Variants in PCDHA4 observed in about 807,000 individuals in gnomAD.
The protein encoded by PCDHA4 is protocadherin alpha 4.
A neutral mutation model predicts 61.4 loss-of-function variants in PCDHA4; 49 were observed. That is an observed-to-expected ratio of 0.80 (90% CI 0.63 to 1.01). PCDHA4 has a LOEUF of 1.01. Among genes scored for constraint, PCDHA4 ranks in the 50% least tolerant of loss-of-function variants. The pLI, the probability that PCDHA4 is intolerant of heterozygous loss-of-function variation, is 0.00. For missense variants in PCDHA4, 1,254 were observed against 1,235.8 expected, an observed-to-expected ratio of 1.01 and a Z score of -0.22; for synonymous variants, 590 against 550.3, an observed-to-expected ratio of 1.07 and a Z score of -1.01.
chr5:140,808,729 C>A lies in PCDHA4; in HGVS notation c.1542C>A (p.Ser514Arg). The A allele has an allele frequency of 6.2e-7, 1 of 1,612,058 alleles. No individual in the cohort carries two copies. The highest frequency in any genetic ancestry group is 8.5e-7 in the Non-Finnish European group (1 of 1,179,790). Residue 514 changes from serine (S) to arginine (R), a missense_variant, in exon 1 of 4, where the codon AGC becomes AGA. Transcript: ENST00000530339. ...GCTACGTTTCGGTGCATGCGGAGAGCGGCAAGGTGTACGCGCTGCAGCCGC... is the reference window on the plus strand; with the variant it reads ...GCTACGTTTCGGTGCATGCGGAGAGAGGCAAGGTGTACGCGCTGCAGCCGC... ...LSSYVSVHAE[S>R]GKVYALQPLD...
At chr5:140,986,862 G>A (rs1441287999) in intron 3 of PCDHA4, among the ~76,000 whole-genome samples, 2 of 152,068 alleles carry the variant, frequency 1.3e-5, no homozygotes, top group East Asian at 1.9e-4. Flanking sequence ...AACAATACCC[G>A]GAAACTTGTT....
chr5:140,870,695 A>C, intron 1 of PCDHA4: 1 of 1,613,024 alleles, frequency 6.2e-7, no homozygotes, highest in East Asian at 2.2e-5. Context: ...GAGCTGCTAC[A>C]GTTCCAGGTG....
rs1554202548 is a variant in PCDHA4 at position 140,925,108 on chromosome 5, G to GGAAGGAAGGAAGGAAGGAAGGAAGGAA, written c.2386-53840_2386-53839insAAGGAAGGAAGGAAGGAAGGAAGGAAG. On this transcript the variant is annotated intron_variant, in intron 1 of 3. Transcript: ENST00000530339. ...AAGGAAGGAAGGAAGGAAGGAAGGA[G>GGAAGGAAGGAAGGAAGGAAGGAAGGAA]GGAAGGAAGGAAGGAAAAAAAATTT... Among the ~76,000 whole-genome samples, 52 of 124,778 alleles carry GGAAGGAAGGAAGGAAGGAAGGAAGGAA rather than the reference G, an allele frequency of 4.2e-4. No individual in the cohort carries two copies. The Middle Eastern group carries it at 0.013, about 31-fold the overall frequency. The allele number at this position is 124,778 out of a possible 152,430, so 81.9% of individuals were successfully genotyped here. A position where few individuals can be genotyped will look rare whatever the true frequency, so the allele number is the denominator to read the frequency against.
chr5:140,845,039 C>T (rs1485557365), intron 1 of PCDHA4, among the ~76,000 whole-genome samples: 2 of 149,068 alleles, frequency 1.3e-5, no homozygotes, highest in Non-Finnish European at 3.0e-5. Context: ...ATTTTAGCCC[C>T]CTTGTCCAAC....
chr5:140,921,212 C>T lies in PCDHA4; in HGVS notation c.2386-57737C>T, dbSNP rs78827164. On this transcript the variant is annotated intron_variant, in intron 1 of 3. Coordinates refer to ENST00000530339, the MANE Select transcript of PCDHA4 (RefSeq NM_018907.4). ...ACAATAGATTGACAACGATAATTCA[C>T]GTCTTTTTTGCTAGATGATATTAAG... is the stretch of plus-strand genomic sequence containing the variant. Among the ~76,000 whole-genome samples the T allele has an allele frequency of 3.7e-3, 555 of 152,020 alleles. 3 individuals carry two copies. Among genetic ancestry groups the T allele is most frequent in the Non-Finnish European group, 5.8e-3 (395 of 67,980 alleles).
chr5:140,928,351 G>A lies in PCDHA4; in HGVS notation c.2386-50598G>A, dbSNP rs201396871. ...CCTTGTCTCTTATGAGCTGTTGGAT[G>A]TTATCTCTGAAGGGCCATCAGCCTC... On this transcript the variant is annotated intron_variant, in intron 1 of 3. Coordinates refer to ENST00000530339, the MANE Select transcript of PCDHA4 (RefSeq NM_018907.4). The A allele has an allele frequency of 1.2e-5, 20 of 1,614,150 alleles. No individual in the cohort carries two copies. In the East Asian group the frequency reaches 4.5e-4, roughly 36 times the overall value.
At chr5:140,858,234 C>A (rs782153266) in intron 1 of PCDHA4, 1 of 1,596,332 alleles carries the variant, frequency 6.3e-7, no homozygotes, top group South Asian at 1.1e-5. Context: ...ACCGAGGGCG[C>A]ATGTGGGCCG....
chr5:140,812,406 A>G (rs2150029972), intron 1 of PCDHA4: 1 of 151,748 alleles, frequency 6.6e-6, no homozygotes, highest in Admixed American at 6.6e-5. Context: ...GGGGCTTGTC[A>G]GTTTTGTTGT....
intron 1 of PCDHA4, chr5:140,856,802 GA>G (rs782128453): frequency 1.3e-6 from 2 of 1,595,592 alleles, no homozygotes; most frequent in East Asian, 4.5e-5. Context: ...TAAGATGTAT[GA>G]AAATCAAGTG....
chr5:140,928,007 ATGG>A (rs1183344805), intron 1 of PCDHA4: 2 of 1,613,998 alleles, frequency 1.2e-6, no homozygotes, highest in Non-Finnish European at 1.7e-6. Context: ...CTCGATTCTA[ATGG>A]TAGGGTCATT....
chr5:140,967,074 A>C (rs1554229140), intron 1 of PCDHA4: 1 of 1,613,138 alleles, frequency 6.2e-7, no homozygotes. Flanking sequence ...TTCGTCAACG[A>C]GCGCATTGAT....
At position 140,928,565 on chromosome 5, in the gene PCDHA4, C is replaced by T. The variant is rs1227327620; in HGVS notation, c.2386-50384C>T. 2.5e-6 allele frequency: 4 copies of T among 1,614,038 alleles called. No individual in the cohort carries two copies. The highest frequency in any genetic ancestry group is 3.4e-6 in the Non-Finnish European group (4 of 1,180,038). On this transcript the variant is annotated intron_variant, in intron 1 of 3. Transcript: ENST00000530339. Reference sequence around the variant, plus strand: ...GACAATTATCCGGTTATCTTGTTTCCCTTGCCCAGAAATGGTTCTGTCCCA... The same window carrying T: ...GACAATTATCCGGTTATCTTGTTTCTCTTGCCCAGAAATGGTTCTGTCCCA...
At chr5:140,901,282 T>A (rs555723354) in intron 1 of PCDHA4, among the ~76,000 whole-genome samples, 44 of 152,318 alleles carry the variant, frequency 2.9e-4, no homozygotes, top group African/African-American at 1.0e-3. Context: ...CAAGAAATTT[T>A]TGCCCAGACT....
At chr5:140,965,876 C>T (rs1416182822) in intron 1 of PCDHA4, among the ~76,000 whole-genome samples, 1 of 152,152 alleles carries the variant, frequency 6.6e-6, no homozygotes, top group African/African-American at 2.4e-5. Flanking sequence ...GCCACTTGGC[C>T]GAGAGCAGAA....
At chr5:140,848,532 C>G (rs2150412105) in intron 1 of PCDHA4, 1 of 1,594,974 alleles carries the variant, frequency 6.3e-7, no homozygotes, top group Non-Finnish European at 8.6e-7. Context: ...AGAGGGTCAG[C>G]CTCTACTGCT....
intron 1 of PCDHA4, among the ~76,000 whole-genome samples, chr5:140,892,783 T>C (rs1554185363): frequency 6.6e-6 from 1 of 152,168 alleles, no homozygotes; most frequent in African/African-American, 2.4e-5. Context: ...TTCTTGAAAA[T>C]ATGTAAGAAA....
chr5:140,967,608 C>T, intron 1 of PCDHA4: 1 of 1,614,160 alleles, frequency 6.2e-7, no homozygotes, highest in Non-Finnish European at 8.5e-7. Flanking sequence ...AAGCTGAATG[C>T]CTCAGACCCG....
chr5:140,975,964 T>C (rs1554237162), intron 1 of PCDHA4, among the ~76,000 whole-genome samples: 2 of 152,218 alleles, frequency 1.3e-5, no homozygotes, highest in South Asian at 2.1e-4. Flanking sequence ...TCTTCACCAA[T>C]AGAAAGTAAG....
chr5:140,834,060 A>G (rs1554134035), intron 1 of PCDHA4, among the ~76,000 whole-genome samples: 1 of 152,232 alleles, frequency 6.6e-6, no homozygotes, highest in Admixed American at 6.5e-5. Flanking sequence ...TCTAACAATC[A>G]TGAGAAATGC....
Sources: allele counts gnomAD v4.1 joint callset (sites outside exome capture counted in the v4.1 genomes callset), GRCh38; gene constraint gnomAD v4.1.1; transcripts MANE v1.5; gene names NCBI Gene and HGNC (gene_info 2026-07-23, HGNC 2026-07-21).